Variants in COL27A1 observed in about 807,000 individuals in gnomAD.
COL27A1 encodes the protein collagen type XXVII alpha 1 chain, also known as collagen alpha-1(XXVII) chain.
A neutral mutation model predicts 251.3 loss-of-function variants in COL27A1; 106 were observed. That is an observed-to-expected ratio of 0.42 (90% CI 0.36 to 0.50). The LOEUF (loss-of-function observed/expected upper bound fraction) is 0.50, where lower values mean the gene tolerates loss of function less well. Among genes scored for constraint, COL27A1 ranks in the 20% least tolerant of loss-of-function variants. The pLI, the probability that COL27A1 is intolerant of heterozygous loss-of-function variation, is 0.00. For synonymous variants in COL27A1, 1,000 were observed against 986.3 expected, an observed-to-expected ratio of 1.01 and a Z score of -0.26; for missense variants, 2,325 against 2,522.8, an observed-to-expected ratio of 0.92 and a Z score of 1.68.
In COL27A1 at chr9:114,300,074, A is replaced by G. The variant is rs1330899985; in HGVS notation, c.4589A>G (p.Asp1530Gly). 1 of 1,613,800 alleles carries G rather than the reference A, an allele frequency of 6.2e-7. No individual in the cohort carries two copies. Among genetic ancestry groups the G allele is most frequent in the Non-Finnish European group, 8.5e-7 (1 of 1,179,884 alleles). Reference sequence around the variant, plus strand: ...CACTTCCTGTTCTTCCTGCAGGGCGACTCTGGCGAGATGGGCTTCCCAGGA... The same window carrying G: ...CACTTCCTGTTCTTCCTGCAGGGCGGCTCTGGCGAGATGGGCTTCCCAGGA... ...GEPGSKGQPGDSGEMGFPGMA... is the reference protein window; with the variant it reads ...GEPGSKGQPGGSGEMGFPGMA... The change falls in exon 50 of 61, where the codon GAC becomes GGC. Residue 1530 changes from aspartate to glycine, a missense_variant. Transcript: ENST00000356083.
chr9:114,230,960 C>T lies in COL27A1; in HGVS notation c.2467-119C>T, dbSNP rs905602569. The stretch of plus-strand genomic sequence containing the variant: ...AACATTCCAGATTCCAAGATCAATC[C>T]TACAGAGTTGCGTCTTTGGAAGCCC... On this transcript the variant is annotated intron_variant, in intron 14 of 60. Transcript: ENST00000356083. 25 of 719,896 alleles carry T rather than the reference C, an allele frequency of 3.5e-5. No homozygotes were observed. In the South Asian group the frequency reaches 4.0e-4, roughly 12 times the overall value. The allele number at this position is 719,896 out of a possible 1,614,324, so 44.6% of individuals were successfully genotyped here. A position where few individuals can be genotyped will look rare whatever the true frequency, so the allele number is the denominator to read the frequency against.
rs757275050 is a variant in COL27A1 at position 114,168,011 on chromosome 9, C to T, written c.456C>T (p.His152=). 54 of 1,604,302 alleles carry T rather than the reference C, an allele frequency of 3.4e-5. No homozygotes were observed. The highest frequency in any genetic ancestry group is 5.0e-5 in the Admixed American group (3 of 59,974). The change falls in exon 3 of 61, where the codon CAC becomes CAT. Residue 152 remains histidine, a synonymous_variant. Coordinates refer to ENST00000356083, the MANE Select transcript of COL27A1 (RefSeq NM_032888.4). ...CAGTGGCCTTCGACCTCGACATGCACGACGGGCGCTGGCACCACCTGGCCC... is the reference window on the plus strand; with the variant it reads ...CAGTGGCCTTCGACCTCGACATGCATGACGGGCGCTGGCACCACCTGGCCC... ...RRSVAFDLDM[H]DGRWHHLALE...
chr9:114,205,025 C>T (rs866616362), intron 7 of COL27A1, 77 bp from the exon 8 acceptor site: 63 of 1,428,466 alleles, frequency 4.4e-5, no homozygotes, highest in Middle Eastern at 1.7e-4. Flanking sequence ...CAGGGCAGGC[C>T]GGGAGGCTGG....
Position 114,216,823 on chromosome 9 carries a change from C to G in COL27A1, c.2368-2968C>G, listed in dbSNP as rs543309664. Among the ~76,000 whole-genome samples the G allele has an allele frequency of 1.1e-4, 16 of 152,202 alleles. 1 individual carries two copies. The highest frequency in any genetic ancestry group is 3.9e-4 in the African/African-American group (16 of 41,542). The stretch of plus-strand genomic sequence containing the variant: ...CCCGGAGGCCCTCAGCGTGTCCAAG[C>G]AGAACCAGTCCTCAGCATCAATCAT... On this transcript the variant is annotated intron_variant, in intron 12 of 60. Coordinates refer to ENST00000356083, the MANE Select transcript of COL27A1 (RefSeq NM_032888.4).
intron 14 of COL27A1, among the ~76,000 whole-genome samples, chr9:114,229,964 G>A (rs1251740498): frequency 6.6e-6 from 1 of 152,184 alleles, no homozygotes; most frequent in African/African-American, 2.4e-5. Context: ...GACGCCAATA[G>A]CACCTCTTAA....
intron 4 of COL27A1, among the ~76,000 whole-genome samples, chr9:114,179,272 G>A (rs1564434866): frequency 6.6e-6 from 1 of 152,156 alleles, no homozygotes; most frequent in Non-Finnish European, 1.5e-5. Context: ...CTGGGCCCAG[G>A]GCTCTGGAAT....
Position 114,219,829 on chromosome 9 carries a change from A to C in COL27A1, c.2406A>C (p.Gly802=). ...PGVFGERGPP[G]LDGNPGELGL... ...TCTTTGGGGAAAGAGGCCCTCCTGG[A>C]CTGGATGGAAATCCTGTGAGTATTT... is the stretch of plus-strand genomic sequence containing the variant. Residue 802 remains glycine (G), a synonymous_variant, in exon 13 of 61, where the codon GGA becomes GGC. Coordinates refer to ENST00000356083, the MANE Select transcript of COL27A1 (RefSeq NM_032888.4). 6.2e-7 allele frequency: 1 copy of C among 1,610,594 alleles called. No individual in the cohort carries two copies. The highest frequency in any genetic ancestry group is 8.5e-7 in the Non-Finnish European group (1 of 1,176,936).
Position 114,300,611 on chromosome 9 carries a change from T to A in COL27A1, c.4639-14T>A, listed in dbSNP as rs376239883. On this transcript the variant is annotated splice_polypyrimidine_tract_variant and intron_variant, in intron 50 of 60. Coordinates refer to ENST00000356083, the MANE Select transcript of COL27A1 (RefSeq NM_032888.4). ...GCTGCCAAGTACAGACAGCCCTTTC[T>A]CTGCCTCCCACAGGGCCCGCCTGGA... 45 of 1,536,934 alleles carry A rather than the reference T, an allele frequency of 2.9e-5. No homozygotes were observed. Among genetic ancestry groups the A allele is most frequent in the Non-Finnish European group, 3.8e-5 (44 of 1,143,620 alleles).
intron 28 of COL27A1, 49 bp from the exon 29 acceptor site, chr9:114,264,306 G>A (rs758655542): frequency 9.5e-6 from 14 of 1,472,824 alleles, no homozygotes; most frequent in Middle Eastern, 1.8e-4. Context: ...TTCTCCGCCC[G>A]AGGGAGACCC....
At chr9:114,287,572 C>T (rs1827592778) in intron 41 of COL27A1, among the ~76,000 whole-genome samples, 1 of 152,142 alleles carries the variant, frequency 6.6e-6, no homozygotes, top group African/African-American at 2.4e-5. Flanking sequence ...TTACCGGCTA[C>T]GGCAATTTTA....
Position 114,188,826 on chromosome 9 carries a change from A to G in COL27A1, c.2017-5578A>G, listed in dbSNP as rs571549647. 5.3e-3 allele frequency among the ~76,000 whole-genome samples: 802 copies of G among 152,336 alleles called. 3 individuals carry two copies. The highest frequency in any genetic ancestry group is 8.7e-3 in the Non-Finnish European group (591 of 68,028). On this transcript the variant is annotated intron_variant, in intron 5 of 60. Coordinates refer to ENST00000356083, the MANE Select transcript of COL27A1 (RefSeq NM_032888.4). ...ATCATTTTCACTTCATTGATCATCT[A>G]TGAGATGTATGTTTTTCTTAAATCT... is the stretch of plus-strand genomic sequence containing the variant.
chr9:114,186,522 C>T (rs1024395236), intron 5 of COL27A1, among the ~76,000 whole-genome samples: 18 of 152,094 alleles, frequency 1.2e-4, no homozygotes, highest in African/African-American at 2.7e-4. Flanking sequence ...CCGGAGTGCT[C>T]GGAGACCCCA....
intron 37 of COL27A1, 103 bp downstream of exon 37, chr9:114,275,871 A>G (rs1835470188): frequency 1.4e-6 from 1 of 691,206 alleles, no homozygotes. Flanking sequence ...GTGCCACTGA[A>G]GGATCTTCTG....
rs749800594 is a variant in COL27A1 at position 114,240,493 on chromosome 9, A to G, written c.2835+6A>G. 90 of 1,608,104 alleles carry G rather than the reference A, an allele frequency of 5.6e-5. No homozygotes were observed. In the Admixed American group the frequency reaches 1.4e-3, roughly 26 times the overall value. ...GTGGGCAGCTGGGGCCCGAGGTGAG[A>G]CTGTCTGGCCCCCTCCACTGCCCAT... On this transcript the variant is annotated splice_donor_region_variant and intron_variant, in intron 21 of 60. Transcript: ENST00000356083.
intron 8 of COL27A1, 94 bp downstream of exon 8, chr9:114,205,240 C>A: frequency 8.3e-7 from 1 of 1,199,766 alleles, no homozygotes; most frequent in Non-Finnish European, 1.2e-6. Context: ...GCTCTGTGAG[C>A]CAGCCCCAGA....
chr9:114,257,702 C>T (rs1252692601), intron 27 of COL27A1, among the ~76,000 whole-genome samples: 1 of 152,152 alleles, frequency 6.6e-6, no homozygotes, highest in Non-Finnish European at 1.5e-5. Flanking sequence ...TTGATCCTCT[C>T]CCACTCTGCC....
chr9:114,286,409 A>G (rs1047887267), intron 41 of COL27A1, among the ~76,000 whole-genome samples: 9 of 152,184 alleles, frequency 5.9e-5, no homozygotes, highest in African/African-American at 1.9e-4. Context: ...TGGCAGGGCC[A>G]GGATTTAGAC....
At chr9:114,262,891 A>T (rs923254848) in intron 28 of COL27A1, among the ~76,000 whole-genome samples, 2 of 149,420 alleles carry the variant, frequency 1.3e-5, no homozygotes, top group African/African-American at 2.5e-5. Context: ...GAGAAGTGGA[A>T]TTTTCACTTT....
At chr9:114,292,997 A>C (rs78029056) in intron 49 of COL27A1, among the ~76,000 whole-genome samples, 1,552 of 152,342 alleles carry the variant, frequency 0.01, 26 homozygotes, top group African/African-American at 0.036. Flanking sequence ...TCACAATTAT[A>C]CTCAAGGATT....
Sources: gnomAD v4.1 joint callset for allele counts (sites outside exome capture counted in the v4.1 genomes callset) on GRCh38, gnomAD v4.1.1 for gene constraint, MANE v1.5 for transcripts, NCBI Gene and HGNC (gene_info 2026-07-23, HGNC 2026-07-21) for gene names.